HSPA4: variants seen among roughly 807,000 people sequenced by gnomAD.
The protein encoded by HSPA4 is heat shock 70 kDa protein 4.
A neutral mutation model predicts 106.2 loss-of-function variants in HSPA4; 25 were observed. That is an observed-to-expected ratio of 0.24 (90% CI 0.17 to 0.33). The LOEUF is 0.33. Ranked by LOEUF, HSPA4 falls within the 10% of genes least tolerant of loss-of-function variation. HSPA4 has a pLI of 1.00. For missense variants in HSPA4, 841 were observed against 996.0 expected, an observed-to-expected ratio of 0.84 and a Z score of 2.10; for synonymous variants, 332 against 333.6, an observed-to-expected ratio of 1.00 and a Z score of 0.05.
In HSPA4 at chr5:133,105,411, G is replaced by C. The variant is rs1765844335; in HGVS notation, c.*975G>C. ...CCTGCCAATTTGTACGTGTTAAGCA[G>C]CTGACAGATGATGCAAAAAAAACTA... On this transcript the variant is annotated 3_prime_UTR_variant, in exon 19 of 19. Transcript: ENST00000304858. The C allele has an allele frequency of 6.6e-6, 1 of 152,170 alleles. No individual in the cohort carries two copies. The highest frequency in any genetic ancestry group is 2.4e-5 in the African/African-American group (1 of 41,444). The allele number at this position is 152,170 out of a possible 1,614,324, so 9.4% of individuals were successfully genotyped here. A position where few individuals can be genotyped will look rare whatever the true frequency, so the allele number is the denominator to read the frequency against.
intron 6 of HSPA4, 67 bp from the exon 7 acceptor site, chr5:133,076,587 A>C: frequency 1.4e-6 from 2 of 1,385,398 alleles, no homozygotes; most frequent in Non-Finnish European, 2.0e-6. Context: ...CTTACCAGGT[A>C]AATATATATC....
intron 6 of HSPA4, among the ~76,000 whole-genome samples, chr5:133,075,656 C>T (rs554535903): frequency 6.6e-5 from 10 of 151,398 alleles, no homozygotes; most frequent in African/African-American, 1.2e-4. Context: ...GGCAAAACCC[C>T]GTCTCTACAA....
Position 133,079,442 on chromosome 5 carries a change from G to C in HSPA4, c.908+2544G>C, listed in dbSNP as rs191188516. 2.6e-5 allele frequency among the ~76,000 whole-genome samples: 4 copies of C among 152,208 alleles called. No homozygotes were observed. The East Asian group carries it at 5.8e-4, about 22-fold the overall frequency. ...TGACTTCTCAGTGTAATGTTTTTGA[G>C]GTTCATCCACATTCTGTATCAGTAC... On this transcript the variant is annotated intron_variant, in intron 7 of 18. Coordinates refer to ENST00000304858, the MANE Select transcript of HSPA4 (RefSeq NM_002154.4).
chr5:133,090,809 A>G (rs1765637946), intron 11 of HSPA4, among the ~76,000 whole-genome samples: 1 of 152,196 alleles, frequency 6.6e-6, no homozygotes. Flanking sequence ...AGAAATGGCA[A>G]TTTACTGATA....
At chr5:133,086,080 G>C (rs376559593) in intron 7 of HSPA4, among the ~76,000 whole-genome samples, 1 of 152,186 alleles carries the variant, frequency 6.6e-6, no homozygotes. Context: ...GTGCATGCCT[G>C]TAGACCCAGC....
intron 2 of HSPA4, among the ~76,000 whole-genome samples, chr5:133,066,675 AT>A (rs60693159): frequency 0.28 from 38,759 of 136,006 alleles, 5,277 homozygotes; most frequent in African/African-American, 0.33. Flanking sequence ...ACTTAGTATG[AT>A]TTTTTTTTTC....
intron 13 of HSPA4, 83 bp from the exon 14 acceptor site, chr5:133,096,015 A>G: frequency 7.9e-7 from 1 of 1,260,322 alleles, no homozygotes; most frequent in Non-Finnish European, 1.1e-6. Flanking sequence ...AAAAAAAGCA[A>G]AAACAGTTTT....
At chr5:133,096,979 A>G (rs1410769394) in intron 14 of HSPA4, among the ~76,000 whole-genome samples, 182 bp from the exon 15 acceptor site, 4 of 152,180 alleles carry the variant, frequency 2.6e-5, no homozygotes, top group South Asian at 4.1e-4. Context: ...AATCCCACCT[A>G]CAAAACTCTT....
intron 8 of HSPA4, among the ~76,000 whole-genome samples, 198 bp from the exon 9 acceptor site, chr5:133,088,206 A>G (rs577728795): frequency 6.6e-6 from 1 of 152,120 alleles, no homozygotes; most frequent in South Asian, 2.1e-4. Context: ...CCCTTCCCCC[A>G]TTATTTTGAG....
At chr5:133,052,686 C>T (rs1765096874) in intron 1 of HSPA4, 1 of 278,868 alleles carries the variant, frequency 3.6e-6, no homozygotes, top group Admixed American at 4.8e-5. Context: ...CGGTCCTTTT[C>T]TTGAGGGCAG....
chr5:133,059,984 C>T (rs1765218095), intron 1 of HSPA4, among the ~76,000 whole-genome samples: 1 of 151,674 alleles, frequency 6.6e-6, no homozygotes. Context: ...TATTCCGTGT[C>T]AAAATCCTCA....
chr5:133,099,488 CTG>C, intron 15 of HSPA4, 55 bp from the exon 16 acceptor site: 1 of 856,182 alleles, frequency 1.2e-6, no homozygotes, highest in Non-Finnish European at 1.9e-6. Context: ...ATGCCTCTGA[CTG>C]TATTGGGGAT....
At chr5:133,086,928 C>G (rs1765585639) in intron 8 of HSPA4, 70 bp downstream of exon 8, 1 of 1,216,926 alleles carries the variant, frequency 8.2e-7, no homozygotes, top group African/African-American at 1.5e-5. Context: ...TATTATCTTA[C>G]TTTTGCAAGC....
At chr5:133,087,377 G>A (rs1765589664) in intron 8 of HSPA4, among the ~76,000 whole-genome samples, 1 of 152,072 alleles carries the variant, frequency 6.6e-6, no homozygotes, top group Admixed American at 6.6e-5. Flanking sequence ...CTATTTCAGA[G>A]TGTTGGGATA....
chr5:133,087,628 A>T (rs1294239010), intron 8 of HSPA4, among the ~76,000 whole-genome samples: 1 of 151,966 alleles, frequency 6.6e-6, no homozygotes, highest in Non-Finnish European at 1.5e-5. Context: ...TTTTTATTTT[A>T]TTTTTATTTT....
chr5:133,091,532 C>T (rs1156821249), intron 12 of HSPA4, among the ~76,000 whole-genome samples, 158 bp downstream of exon 12: 1 of 152,112 alleles, frequency 6.6e-6, no homozygotes, highest in Non-Finnish European at 1.5e-5. Flanking sequence ...AGTGAACCAG[C>T]AGTAGATTTT....
chr5:133,052,733 A>G (rs910794384), intron 1 of HSPA4: 27 of 193,376 alleles, frequency 1.4e-4, no homozygotes, highest in African/African-American at 6.0e-4. Flanking sequence ...TTTTGAGTCC[A>G]ACAGAAAGCT....
At chr5:133,061,644 G>A (rs537534123) in intron 1 of HSPA4, among the ~76,000 whole-genome samples, 4 of 152,228 alleles carry the variant, frequency 2.6e-5, no homozygotes, top group South Asian at 2.1e-4. Context: ...CCACCCGACT[G>A]AGTCTTGCTC....
intron 7 of HSPA4, among the ~76,000 whole-genome samples, chr5:133,085,263 G>A (rs1337813758): frequency 6.6e-6 from 1 of 151,862 alleles, no homozygotes; most frequent in East Asian, 1.9e-4. Flanking sequence ...AAAAGACATT[G>A]AGGAACCTTA....
Sources: gnomAD v4.1 joint callset for allele counts (sites outside exome capture counted in the v4.1 genomes callset) on GRCh38, gnomAD v4.1.1 for gene constraint, MANE v1.5 for transcripts, NCBI Gene and HGNC (gene_info 2026-07-23, HGNC 2026-07-21) for gene names.